ESRRG: variants seen among roughly 807,000 people sequenced by gnomAD.
ESRRG encodes estrogen-related receptor gamma.
Under a neutral mutation model 44.0 loss-of-function variants are expected in ESRRG, and 13 were observed. The ratio of observed to expected loss-of-function variants is 0.30; its 90% CI spans 0.19 to 0.47. The LOEUF is 0.47. ESRRG is among the 20% of genes least tolerant of loss of function. The pLI is 1.00. For missense variants in ESRRG, 395 were observed against 580.6 expected (o/e 0.68, Z 3.29); for synonymous variants, 215 against 214.6 (o/e 1.00, Z -0.02).
At chr1:217,053,800 TATC>T (rs1296591908) in intron 1 of ESRRG, among the ~76,000 whole-genome samples, 2 of 152,116 alleles carry the variant, frequency 1.3e-5, no homozygotes, top group African/African-American at 2.4e-5. Context: ...TCATGGTTAT[TATC>T]ACCAGACATG....
intron 3 of ESRRG, among the ~76,000 whole-genome samples, chr1:216,579,138 A>C (rs1420543164): frequency 6.6e-6 from 1 of 152,118 alleles, no homozygotes; most frequent in African/African-American, 2.4e-5. Context: ...CAGAATCTCA[A>C]TTCTATCTGG....
chr1:216,805,608 T>C (rs1366399960), intron 2 of ESRRG, among the ~76,000 whole-genome samples: 1 of 152,118 alleles, frequency 6.6e-6, no homozygotes, highest in East Asian at 1.9e-4. Flanking sequence ...ATTGGTGGTC[T>C]TGAGAATAAA....
At chr1:216,902,579 G>T (rs2059213552) in intron 2 of ESRRG, among the ~76,000 whole-genome samples, 1 of 152,016 alleles carries the variant, frequency 6.6e-6, no homozygotes, top group Non-Finnish European at 1.5e-5. Flanking sequence ...TTCTGTTCAT[G>T]CTCCCACATA....
intron 1 of ESRRG, among the ~76,000 whole-genome samples, chr1:217,077,599 A>C (rs2151494337): frequency 6.6e-6 from 1 of 152,324 alleles, no homozygotes; most frequent in Non-Finnish European, 1.5e-5. Context: ...ATCCTAGCGA[A>C]GTAACTTAAA....
chr1:216,725,623 G>A (rs564227548), upstream of ESRRG, among the ~76,000 whole-genome samples: 5 of 152,134 alleles, frequency 3.3e-5, no homozygotes, highest in South Asian at 2.1e-4. Flanking sequence ...GATTACTATC[G>A]TGATTTCTGA....
intron 1 of ESRRG, among the ~76,000 whole-genome samples, chr1:216,991,428 G>A (rs1481844451): frequency 2.6e-5 from 4 of 152,116 alleles, no homozygotes; most frequent in Middle Eastern, 3.4e-3. Context: ...TTATTAACTC[G>A]GCATATATTC....
intron 2 of ESRRG, among the ~76,000 whole-genome samples, chr1:216,902,440 A>G (rs2059190442): frequency 6.6e-6 from 1 of 151,890 alleles, no homozygotes; most frequent in Non-Finnish European, 1.5e-5. Flanking sequence ...AGTGAGCCAG[A>G]TCGCGCCACT....
chr1:216,668,970 C>T (rs962270498), intron 2 of ESRRG, among the ~76,000 whole-genome samples: 8 of 152,090 alleles, frequency 5.3e-5, no homozygotes, highest in Non-Finnish European at 8.8e-5. Context: ...ATCAATGTTG[C>T]CTGCAAGGAA....
chr1:216,526,988 T>A (rs1572310429), intron 5 of ESRRG, among the ~76,000 whole-genome samples: 1 of 152,224 alleles, frequency 6.6e-6, no homozygotes, highest in Admixed American at 6.5e-5. Flanking sequence ...ATGGTTCTAC[T>A]GTGACAAAGT....
chr1:216,920,522 C>A (rs1476352016), intron 2 of ESRRG, among the ~76,000 whole-genome samples: 1 of 151,920 alleles, frequency 6.6e-6, no homozygotes, highest in African/African-American at 2.4e-5. Context: ...TTAATGACGT[C>A]TTTTTATCTT....
At chr1:216,931,049 A>G (rs551169698) in intron 2 of ESRRG, among the ~76,000 whole-genome samples, 156 of 152,324 alleles carry the variant, frequency 1.0e-3, no homozygotes, top group African/African-American at 3.7e-3. Flanking sequence ...GTTAAGCGAT[A>G]TTATTCTAGT....
intron 1 of ESRRG, among the ~76,000 whole-genome samples, chr1:217,057,174 G>T (rs1417328600): frequency 6.6e-6 from 1 of 152,156 alleles, no homozygotes; most frequent in African/African-American, 2.4e-5. Flanking sequence ...AGAAAGTCTT[G>T]ACCAAAGTGG....
At chr1:216,949,489 A>T (rs528302519) in intron 1 of ESRRG, among the ~76,000 whole-genome samples, 1 of 152,272 alleles carries the variant, frequency 6.6e-6, no homozygotes, top group African/African-American at 2.4e-5. Flanking sequence ...AAAGGCAGTC[A>T]ATGCTTGCTT....
At chr1:216,577,419 G>T (rs1439204523) in intron 3 of ESRRG, among the ~76,000 whole-genome samples, 2 of 151,916 alleles carry the variant, frequency 1.3e-5, no homozygotes, top group African/African-American at 4.8e-5. Flanking sequence ...TATGAATAAA[G>T]TTATGAATTC....
Position 216,876,816 on chromosome 1 carries a change from T to C in ESRRG, c.-14+62766A>G, listed in dbSNP as rs139735913. Among the ~76,000 whole-genome samples, 401 of 152,294 alleles carry C rather than the reference T, an allele frequency of 2.6e-3. 1 individual carries two copies. Among genetic ancestry groups the C allele is most frequent in the Non-Finnish European group, 4.3e-3 (291 of 68,028 alleles). On this transcript the variant is annotated intron_variant, in intron 2 of 7. Coordinates refer to the ESRRG transcript ENST00000359162. The stretch of plus-strand genomic sequence containing the variant: ...ACCTACCCGCAGTCATGTTAAATGC[T>C]CAACATGAAACAATATGTACCCTGG...
intron 3 of ESRRG, among the ~76,000 whole-genome samples, chr1:216,609,730 C>G (rs1167619279): frequency 6.6e-6 from 1 of 152,110 alleles, no homozygotes; most frequent in Non-Finnish European, 1.5e-5. Context: ...ATGAAAAAGA[C>G]AGGAGACATA....
At position 216,677,824 on chromosome 1, in the gene ESRRG, T is replaced by C. The variant is rs188994009; in HGVS notation, c.57-333A>G. ...TCCGATTGCTTTTATTTTACCTTTC[T>C]CTTGGAGAACCAGTGTCAATATCTA... On this transcript the variant is annotated intron_variant, in intron 1 of 6. Coordinates refer to ENST00000408911, the MANE Select transcript of ESRRG (RefSeq NM_001438.4). Among the ~76,000 whole-genome samples the C allele has an allele frequency of 6.6e-5, 10 of 152,334 alleles. No homozygotes were observed. The East Asian group carries it at 7.7e-4, about 12-fold the overall frequency.
chr1:216,673,911 C>G (rs889392540), intron 2 of ESRRG, among the ~76,000 whole-genome samples: 6 of 152,186 alleles, frequency 3.9e-5, no homozygotes, highest in African/African-American at 1.4e-4. Context: ...GACACTCCAA[C>G]CAGCCTGCTG....
intron 2 of ESRRG, among the ~76,000 whole-genome samples, chr1:216,656,459 T>A (rs1230879798): frequency 6.6e-6 from 1 of 152,168 alleles, no homozygotes; most frequent in Non-Finnish European, 1.5e-5. Flanking sequence ...TATTTCAGAG[T>A]CTTTTGTGCA....
Sources: gnomAD v4.1 joint callset for allele counts (sites outside exome capture counted in the v4.1 genomes callset) on GRCh38, gnomAD v4.1.1 for gene constraint, MANE v1.5 for transcripts, NCBI Gene and HGNC (gene_info 2026-07-23, HGNC 2026-07-21) for gene names.